TTN: variants seen among roughly 807,000 people sequenced by gnomAD.
TTN encodes connectin.
In TTN, 1,525 loss-of-function variants were observed where a neutral mutation model predicts 3,223.0. The ratio of observed to expected loss-of-function variants is 0.47; its 90% confidence interval spans 0.45 to 0.49. The LOEUF (loss-of-function observed/expected upper bound fraction) is 0.49. Among genes scored for constraint, TTN ranks in the 20% least tolerant of loss-of-function variants. TTN has a pLI of 0.00. For missense variants in TTN, 40,786 were observed against 43,424.0 expected (o/e 0.94, Z 5.40); for synonymous variants, 14,094 against 15,161.0 (o/e 0.93, Z 5.17).
intron 224 of TTN, among the ~76,000 whole-genome samples, chr2:178,637,146 G>GATATATAT (rs61216469): frequency 0.047 from 2,322 of 48,966 alleles, 263 homozygotes; most frequent in Non-Finnish European, 0.066. Flanking sequence ...AATATAGTTG[G>GATATATAT]ATATATATAT....
At chr2:178,695,465 G>T (rs532217544) in intron 114 of TTN, 55 bp from the exon 115 acceptor site, 1 of 1,394,668 alleles carries the variant, frequency 7.2e-7, no homozygotes, top group Non-Finnish European at 1.0e-6. Context: ...AGTTCTCTTA[G>T]GTTGTTAATT....
chr2:178,731,466 C>T lies in TTN; in HGVS notation c.17300G>A (p.Ser5767Asn), dbSNP rs200692495. 271 of 1,613,736 alleles carry T rather than the reference C, an allele frequency of 1.7e-4. 1 individual carries two copies. The African/African-American group carries it at 3.2e-3, about 19-fold the overall frequency. ...ATTATCGTCTTCAGTGATTTCATCG[C>T]TGTCTTTTAGCCAAGTCACCGTAAT... ...LPITVTWLKD[S>N]DEITEDDNIR... Residue 5767 changes from serine to asparagine, a missense_variant, in exon 59 of 363, where the codon AGC becomes AAC. Coordinates refer to ENST00000589042, the MANE Select transcript of TTN (RefSeq NM_001267550.2).
intron 21 of TTN, among the ~76,000 whole-genome samples, chr2:178,780,808 T>C (rs1351496714): frequency 2.6e-5 from 4 of 152,216 alleles, no homozygotes; most frequent in Non-Finnish European, 5.9e-5. Context: ...TGCTACTGTT[T>C]TCATTGAGCT....
At position 178,575,290 on chromosome 2, in the gene TTN, A is replaced by G. The variant is rs1185754565; in HGVS notation, c.70842T>C (p.Ser23614=). ...QVMAVNSAGR[S]APRESRPVIV... The stretch of plus-strand genomic sequence containing the variant: ...TGACGGGTCTGCTTTCTCTAGGGGC[A>G]CTTCTCCCCGCGCTGTTCACTGCCA... The change falls in exon 326 of 363, where the codon AGT becomes AGC. Residue 23614 remains serine, a synonymous_variant. Transcript: ENST00000589042. This position sits in a 1 kb window ranked among gnomAD's most constrained non-coding sequence, Gnocchi z 4.0. 1.8e-5 allele frequency: 29 copies of G among 1,613,256 alleles called. No homozygotes were observed. The highest frequency in any genetic ancestry group is 2.4e-5 in the Non-Finnish European group (28 of 1,179,612).
In TTN at chr2:178,605,332, C is replaced by A; in HGVS notation, c.53882-37G>T. On this transcript the variant is annotated intron_variant, in intron 279 of 362. Coordinates refer to ENST00000589042, the MANE Select transcript of TTN (RefSeq NM_001267550.2). ...AGAGAAAGAAAAACAGTAACAAAGTCATAAGGATGTTTTTTTCAACTTATG... is the reference window on the plus strand; with the variant it reads ...AGAGAAAGAAAAACAGTAACAAAGTAATAAGGATGTTTTTTTCAACTTATG... 2.0e-6 allele frequency: 3 copies of A among 1,534,770 alleles called. No homozygotes were observed. In the South Asian group the frequency reaches 3.9e-5, roughly 20 times the overall value.
rs1553938065 is a variant in TTN at position 178,740,165 on chromosome 2, G to T, written c.13068C>A (p.Ile4356=). The T allele has an allele frequency of 6.2e-7, 1 of 1,613,586 alleles. No homozygotes were observed. Among genetic ancestry groups the T allele is most frequent in the Non-Finnish European group, 8.5e-7 (1 of 1,179,800 alleles). Reference sequence around the variant, plus strand: ...CCACGGGCTCTCTTTTAGACTCAATGATTTGGTCTGGGGGCATCACCACGT... The same window carrying T: ...CCACGGGCTCTCTTTTAGACTCAATTATTTGGTCTGGGGGCATCACCACGT... ...SDNVVMPPDQ[I]IESKREPVAI... is the part of the protein sequence containing the mutation. The change falls in exon 48 of 363, where the codon ATC becomes ATA. Residue 4356 remains isoleucine, a synonymous_variant. Coordinates refer to ENST00000589042, the MANE Select transcript of TTN (RefSeq NM_001267550.2).
At position 178,622,750 on chromosome 2, in the gene TTN, A is replaced by G. The variant is rs746441554; in HGVS notation, c.44833T>C (p.Leu14945=). ...ACTTGAAGGTCGGTGAGTGGTCTTA[A>G]GAATTCCACATGAGGAGCTGTAAGA... ...LNVVPPHVEF[L]RPLTDLQVRE... The change falls in exon 243 of 363, where the codon TTA becomes CTA. Residue 14945 remains leucine (L), a synonymous_variant. Transcript: ENST00000589042. 1.2e-6 allele frequency: 2 copies of G among 1,602,190 alleles called. No homozygotes were observed. Among genetic ancestry groups the G allele is most frequent in the Admixed American group, 3.4e-5 (2 of 58,798 alleles).
chr2:178,732,527 C>T lies in TTN; in HGVS notation c.16534G>A (p.Val5512Ile). The change falls in exon 56 of 363, where the codon GTA (valine) becomes ATA (isoleucine). Residue 5512 changes from valine (V) to isoleucine (I), a missense_variant. Transcript: ENST00000589042. ...TACGTGCCCGAATCAGAGGTTTTTA[C>T]TAAATAGAGTTCCAGGGAACTCTCT... ...ALESSLELYL[V>I]KTSDSGTYTC... 6.2e-7 allele frequency: 1 copy of T among 1,613,718 alleles called. No individual in the cohort carries two copies. The highest frequency in any genetic ancestry group is 1.1e-5 in the South Asian group (1 of 91,080).
In TTN at chr2:178,799,727, A is replaced by C. The variant is rs369462940; in HGVS notation, c.674T>G (p.Ile225Ser). 5.0e-6 allele frequency: 8 copies of C among 1,614,072 alleles called. No individual in the cohort carries two copies. Among genetic ancestry groups the C allele is most frequent in the African/African-American group, 1.3e-5 (1 of 74,938 alleles). Residue 225 changes from isoleucine (I) to serine (S), a missense_variant, in exon 6 of 363, where the codon ATT (isoleucine) becomes AGT (serine). Coordinates refer to ENST00000589042, the MANE Select transcript of TTN (RefSeq NM_001267550.2). The part of the protein sequence containing the change: ...ESRQTRIEKK[I>S]EAHFDARSIA... ...TGATCTGGCATCAAAGTGGGCTTCA[A>C]TCTTCTGTAAAAGATTAAAACAAAG...
intron 282 of TTN, 55 bp downstream of exon 282, chr2:178,603,821 C>A: frequency 2.8e-6 from 4 of 1,438,556 alleles, no homozygotes; most frequent in Middle Eastern, 1.8e-4. Context: ...CAGAATTATC[C>A]ATTTAGTGAC....
Position 178,637,389 on chromosome 2 carries a change from T to C in TTN, c.40907A>G (p.Lys13636Arg). Residue 13636 changes from lysine (K) to arginine (R), a missense_variant, in exon 224 of 363, where the codon AAG (lysine) becomes AGG (arginine). Transcript: ENST00000589042. ...EAKAPKEEAA[K>R]PKGPIKGVPK... ...TTCACCTTTGATAGGACCTTTTGGC[T>C]TGGCAGCCTCTTCCTTAGGTGCTTT... 1 of 1,479,514 alleles carries C rather than the reference T, an allele frequency of 6.8e-7. No homozygotes were observed. The highest frequency in any genetic ancestry group is 9.0e-7 in the Non-Finnish European group (1 of 1,117,116). 91.6% of individuals were successfully genotyped at this position (1,479,514 alleles called of 1,614,324 possible).
Position 178,601,281 on chromosome 2 carries a change from A to T in TTN, c.55716T>A (p.Thr18572=). ...AAAGCTTACATATCGGATCTCTGGC[A>T]GTGGTCCTCTGAATGGTTTCCACAG... ...GPPVETIQRT[T]ARDPIYPPDP... Residue 18572 remains threonine (T), a synonymous_variant, in exon 287 of 363, where the codon ACT becomes ACA. Coordinates refer to ENST00000589042, the MANE Select transcript of TTN (RefSeq NM_001267550.2). 3.2e-6 allele frequency: 5 copies of T among 1,556,490 alleles called. No homozygotes were observed. Among genetic ancestry groups the T allele is most frequent in the Non-Finnish European group, 3.5e-6 (4 of 1,154,994 alleles).
Position 178,756,781 on chromosome 2 carries a change from C to T in TTN, c.10695G>A (p.Arg3565=). The change falls in exon 46 of 363, where the codon AGG becomes AGA. Residue 3565 remains arginine (R), a synonymous_variant. Coordinates refer to ENST00000589042, the MANE Select transcript of TTN (RefSeq NM_001267550.2). ...CTCTTACATCTTTCCCAGAACTTTG[C>T]CTATCTAGGGCTTGCACTGTATAAT... ...TVTPKVQALD[R]QSSGKDVRES... is the part of the protein sequence containing the mutation. 1 of 1,613,614 alleles carries T rather than the reference C, an allele frequency of 6.2e-7. No individual in the cohort carries two copies. Among genetic ancestry groups the T allele is most frequent in the Non-Finnish European group, 8.5e-7 (1 of 1,179,710 alleles).
Position 178,556,893 on chromosome 2 carries a change from T to G in TTN, c.88261A>C (p.Asn29421His). The G allele has an allele frequency of 6.2e-7, 1 of 1,613,850 alleles. No homozygotes were observed. Among genetic ancestry groups the G allele is most frequent in the Non-Finnish European group, 8.5e-7 (1 of 1,179,824 alleles). ...FARNAVGSISNPSEVVGPITC... is the reference protein window; with the variant it reads ...FARNAVGSISHPSEVVGPITC... Reference sequence around the variant, plus strand: ...ATGGGCCCTACAACCTCAGATGGATTGCTAATGGAACCAACAGCATTCCTA... The same window carrying G: ...ATGGGCCCTACAACCTCAGATGGATGGCTAATGGAACCAACAGCATTCCTA... The change falls in exon 330 of 363, where the codon AAT becomes CAT. Residue 29421 changes from asparagine to histidine, a missense_variant. By Grantham distance (68) the Asn-to-His change is moderately conservative. Transcript: ENST00000589042.
In TTN at chr2:178,713,345, C is replaced by G. The variant is rs1206653316; in HGVS notation, c.26789G>C (p.Arg8930Thr). 3 of 1,550,020 alleles carry G rather than the reference C, an allele frequency of 1.9e-6. No individual in the cohort carries two copies. Among genetic ancestry groups the G allele is most frequent in the African/African-American group, 2.7e-5 (2 of 73,252 alleles). ...SDRTVPPSFTRKLKETNGLSG... is the reference protein window; with the variant it reads ...SDRTVPPSFTTKLKETNGLSG... ...TAGACCATTTGTCTCTTTCAATTTTCTTGTGAATGAAGGAGGAACGGTTCG... is the reference window on the plus strand; with the variant it reads ...TAGACCATTTGTCTCTTTCAATTTTGTTGTGAATGAAGGAGGAACGGTTCG... Residue 8930 changes from arginine (R) to threonine (T), a missense_variant, in exon 93 of 363, where the codon AGA becomes ACA. Transcript: ENST00000589042.
intron 83 of TTN, 72 bp downstream of exon 83, chr2:178,719,092 C>T: frequency 3.9e-6 from 6 of 1,539,936 alleles, no homozygotes; most frequent in Non-Finnish European, 5.2e-6. Flanking sequence ...AAAGAAACTC[C>T]AGGGAAGGCA....
At chr2:178,796,570 G>GC (rs1193200015) in intron 6 of TTN, among the ~76,000 whole-genome samples, 1 of 152,140 alleles carries the variant, frequency 6.6e-6, no homozygotes, top group African/African-American at 2.4e-5. Context: ...TAGGGAATAA[G>GC]CCTCTTTTCT....
Position 178,776,780 on chromosome 2 carries a change from T to C in TTN, c.5084A>G (p.Tyr1695Cys). Residue 1695 changes from tyrosine (Y) to cysteine (C), a missense_variant, in exon 28 of 363, where the codon TAT becomes TGT. By Grantham distance (194) the Tyr-to-Cys change is radical. Coordinates refer to ENST00000589042, the MANE Select transcript of TTN (RefSeq NM_001267550.2). ...TGGTTTCTGTTGTTTCTCTTTGTCATAGAGATCACCTTCTTCCCATTGCTC... is the reference window on the plus strand; with the variant it reads ...TGGTTTCTGTTGTTTCTCTTTGTCACAGAGATCACCTTCTTCCCATTGCTC... ...GQEQWEEGDLYDKEKQQKPFF... is the reference protein window; with the variant it reads ...GQEQWEEGDLCDKEKQQKPFF... 2.5e-6 allele frequency: 4 copies of C among 1,614,156 alleles called. No individual in the cohort carries two copies. The highest frequency in any genetic ancestry group is 3.4e-6 in the Non-Finnish European group (4 of 1,180,010).
intron 159 of TTN, among the ~76,000 whole-genome samples, chr2:178,668,804 C>T (rs1577175344): frequency 6.7e-6 from 1 of 149,544 alleles, no homozygotes; most frequent in Non-Finnish European, 1.5e-5. Context: ...GAACAGTATT[C>T]TATTCACAAT....
Sources: allele counts gnomAD v4.1 joint callset (sites outside exome capture counted in the v4.1 genomes callset), GRCh38; gene constraint gnomAD v4.1.1; non-coding constraint Gnocchi (gnomAD v3.1); transcripts MANE v1.5; gene names NCBI Gene and HGNC (gene_info 2026-07-23, HGNC 2026-07-21).